The following ZBTB16 variants were observed in gnomAD, a reference collection of about 807,000 sequenced individuals.
ZBTB16 encodes zinc finger and BTB domain containing 16, also known as zinc finger and BTB domain-containing protein 16.
ZBTB16 carries 8 observed loss-of-function variants against 56.8 expected under a neutral mutation model. That is an observed-to-expected ratio of 0.14 (90% CI 0.08 to 0.25). ZBTB16 has a LOEUF of 0.25. Among genes scored for constraint, ZBTB16 ranks in the 10% least tolerant of loss-of-function variants. The pLI, the probability that ZBTB16 is intolerant of heterozygous loss-of-function variation, is 1.00. For missense variants in ZBTB16, 625 were observed against 903.0 expected, an observed-to-expected ratio of 0.69 and a Z score of 3.95; for synonymous variants, 363 against 368.5, an observed-to-expected ratio of 0.98 and a Z score of 0.17.
chr11:114,197,663 A>T (rs1291189336), intron 4 of ZBTB16, among the ~76,000 whole-genome samples: 1 of 145,902 alleles, frequency 6.9e-6, no homozygotes, highest in African/African-American at 2.5e-5. Flanking sequence ...GTAGTGGGTG[A>T]TCATGGTGGG....
At chr11:114,093,379 G>A (rs749060553) in intron 2 of ZBTB16, among the ~76,000 whole-genome samples, 4 of 152,066 alleles carry the variant, frequency 2.6e-5, no homozygotes, top group Non-Finnish European at 5.9e-5. Context: ...GAAAGGCCAG[G>A]CTTCCTTTTC....
intron 4 of ZBTB16, among the ~76,000 whole-genome samples, chr11:114,198,374 T>G (rs576745718): frequency 4.8e-5 from 7 of 144,482 alleles, no homozygotes; most frequent in African/African-American, 1.8e-4. Flanking sequence ...AAGGCATGTT[T>G]GATGCCTAAT....
intron 2 of ZBTB16, among the ~76,000 whole-genome samples, chr11:114,076,004 A>T (rs1939548490): frequency 6.6e-6 from 1 of 152,042 alleles, no homozygotes; most frequent in African/African-American, 2.4e-5. Context: ...CTTGAGAAAA[A>T]ATGTTTGTGA....
At chr11:114,110,250 A>G (rs1348339114) in intron 2 of ZBTB16, among the ~76,000 whole-genome samples, 1 of 152,166 alleles carries the variant, frequency 6.6e-6, no homozygotes, top group Admixed American at 6.5e-5. Flanking sequence ...CATTTCAGCC[A>G]GACCCTACGG....
In ZBTB16 at chr11:114,064,316, A is replaced by T; in HGVS notation, c.1016A>T (p.Asn339Ile). Residue 339 changes from asparagine to isoleucine, a missense_variant, in exon 2 of 7, where the codon AAC becomes ATC. Asn to Ile is a moderately radical substitution (Grantham distance 149, BLOSUM62 -3). Transcript: ENST00000335953. This position sits in a 1 kb window ranked among gnomAD's most constrained non-coding sequence, Gnocchi z 4.2. ...KHLGIYSVLP[N>I]HKADAVLSMP... The stretch of plus-strand genomic sequence containing the variant: ...CTGGGCATCTACTCCGTGTTGCCCA[A>T]CCACAAGGCTGACGCTGTATTGAGC... 1 of 1,614,106 alleles carries T rather than the reference A, an allele frequency of 6.2e-7. No homozygotes were observed.
At chr11:114,167,555 G>A (rs1278617349) in intron 3 of ZBTB16, among the ~76,000 whole-genome samples, 1 of 151,566 alleles carries the variant, frequency 6.6e-6, no homozygotes, top group African/African-American at 2.4e-5. Flanking sequence ...AATTAATTAG[G>A]TAGTAAAGCA....
At chr11:114,074,341 G>A (rs116670126) in intron 2 of ZBTB16, among the ~76,000 whole-genome samples, 2,211 of 152,306 alleles carry the variant, frequency 0.015, 63 homozygotes, top group African/African-American at 0.051. Flanking sequence ...GGCCCTTAGC[G>A]TGATCCATCG....
At chr11:114,112,007 G>A (rs1026446002) in intron 2 of ZBTB16, among the ~76,000 whole-genome samples, 1 of 151,918 alleles carries the variant, frequency 6.6e-6, no homozygotes, top group Non-Finnish European at 1.5e-5. Context: ...CAATTTTTTT[G>A]TGGGGGATGT....
At chr11:114,164,822 T>A (rs1159847601) in intron 3 of ZBTB16, among the ~76,000 whole-genome samples, 3 of 152,168 alleles carry the variant, frequency 2.0e-5, no homozygotes, top group African/African-American at 7.2e-5. Flanking sequence ...CTTGTCCAGG[T>A]CTCTGTGGTG....
chr11:114,178,490 G>C (rs145967355), intron 3 of ZBTB16, among the ~76,000 whole-genome samples: 1 of 152,120 alleles, frequency 6.6e-6, no homozygotes, highest in Non-Finnish European at 1.5e-5. Flanking sequence ...TCCAGAGAGC[G>C]TGCTCTTCAC....
At position 114,182,380 on chromosome 11, in the gene ZBTB16, A is replaced by G. The variant is rs550632854; in HGVS notation, c.1367-4572A>G. On this transcript the variant is annotated intron_variant, in intron 3 of 6. Transcript: ENST00000335953. ...CATTTAATTTATTTCTCTTTTTATC[A>G]CTTATCACCACCTGGCCTGTTTTGT... is the stretch of plus-strand genomic sequence containing the variant. 3.9e-5 allele frequency among the ~76,000 whole-genome samples: 6 copies of G among 151,960 alleles called. No homozygotes were observed. In the East Asian group the frequency reaches 9.7e-4, roughly 25 times the overall value.
At chr11:114,172,463 G>A (rs577774353) in intron 3 of ZBTB16, among the ~76,000 whole-genome samples, 1 of 152,306 alleles carries the variant, frequency 6.6e-6, no homozygotes, top group South Asian at 2.1e-4. Flanking sequence ...TTACAGATGA[G>A]GAGACTGAGT....
intron 4 of ZBTB16, chr11:114,209,554 C>T: frequency 8.1e-6 from 8 of 985,404 alleles, no homozygotes; most frequent in Non-Finnish European, 9.6e-6. Flanking sequence ...CTCTGGGAAG[C>T]AGCAGGTTGT....
chr11:114,099,964 G>T (rs928738268), intron 2 of ZBTB16, among the ~76,000 whole-genome samples: 4 of 152,164 alleles, frequency 2.6e-5, no homozygotes, highest in Admixed American at 6.5e-5. Flanking sequence ...GTCCTCTGAC[G>T]TCTAGTGGAT....
At chr11:114,179,988 C>T (rs1943208054) in intron 3 of ZBTB16, among the ~76,000 whole-genome samples, 1 of 152,248 alleles carries the variant, frequency 6.6e-6, no homozygotes, top group East Asian at 1.9e-4. Flanking sequence ...TTTGAAAGTG[C>T]CCTGCTGGCT....
intron 2 of ZBTB16, among the ~76,000 whole-genome samples, chr11:114,106,472 C>CT (rs59505866): frequency 0.032 from 4,400 of 139,612 alleles, 231 homozygotes; most frequent in African/African-American, 0.1. Flanking sequence ...TCACGATCTT[C>CT]TTTTTTTTTT....
chr11:114,247,876 T>C (rs998322879), intron 6 of ZBTB16, among the ~76,000 whole-genome samples: 3 of 150,096 alleles, frequency 2.0e-5, no homozygotes, highest in Admixed American at 1.3e-4. Context: ...ATGCATATGA[T>C]GTTTTACCAC....
At chr11:114,233,077 G>GCACA (rs1326347388) in intron 4 of ZBTB16, among the ~76,000 whole-genome samples, 2 of 35,748 alleles carry the variant, frequency 5.6e-5, no homozygotes, top group African/African-American at 8.1e-5. Flanking sequence ...GCGCGCGCGC[G>GCACA]CGCGCACACA....
chr11:114,202,840 A>G (rs1943766440), intron 4 of ZBTB16, among the ~76,000 whole-genome samples: 1 of 151,994 alleles, frequency 6.6e-6, no homozygotes, highest in African/African-American at 2.4e-5. Context: ...CTTATTTGGA[A>G]CCCAAGTAGT....
Sources: gnomAD v4.1 joint callset for allele counts (sites outside exome capture counted in the v4.1 genomes callset) on GRCh38, gnomAD v4.1.1 for gene constraint, Gnocchi (gnomAD v3.1) non-coding constraint, MANE v1.5 for transcripts, NCBI Gene and HGNC (gene_info 2026-07-23, HGNC 2026-07-21) for gene names.